The following PRKAR2A variants were observed in gnomAD, a reference collection of about 807,000 sequenced individuals.
PRKAR2A encodes protein kinase cAMP-dependent type II regulatory subunit alpha, also known as cAMP-dependent protein kinase type II-alpha regulatory subunit.
PRKAR2A carries 29 observed loss-of-function variants against 51.9 expected under a neutral mutation model. That is an observed-to-expected ratio of 0.56 (90% CI 0.42 to 0.76). PRKAR2A has a LOEUF of 0.76. Among genes scored for constraint, PRKAR2A ranks in the 30% least tolerant of loss-of-function variants. The pLI, the probability that PRKAR2A is intolerant of heterozygous loss-of-function variation, is 0.00. For missense variants in PRKAR2A, 445 were observed against 512.1 expected (o/e 0.87, Z 1.26); for synonymous variants, 178 against 186.2 (o/e 0.96, Z 0.36).
chr3:48,846,669 C>G (rs1476535780), intron 1 of PRKAR2A, among the ~76,000 whole-genome samples: 1 of 152,210 alleles, frequency 6.6e-6, no homozygotes, highest in Non-Finnish European at 1.5e-5. Flanking sequence ...TAATTATTTA[C>G]TCTCACCAAA....
intron 8 of PRKAR2A, among the ~76,000 whole-genome samples, chr3:48,760,618 G>A (rs1189947583): frequency 6.7e-5 from 10 of 149,774 alleles, no homozygotes; most frequent in Non-Finnish European, 1.2e-4. Context: ...ACCTGAGGTA[G>A]GGAGTTCACA....
intron 2 of PRKAR2A, 68 bp downstream of exon 2, chr3:48,807,581 C>A: frequency 8.2e-7 from 1 of 1,223,354 alleles, no homozygotes; most frequent in Non-Finnish European, 1.2e-6. Context: ...TTCAAAATAT[C>A]TGTTTTTTCA....
chr3:48,744,924 G>T (rs1345459930), downstream of PRKAR2A, among the ~76,000 whole-genome samples: 2 of 152,002 alleles, frequency 1.3e-5, no homozygotes, highest in African/African-American at 2.4e-5. Flanking sequence ...GCCCAGGCTG[G>T]AGTGCAGTGG....
At chr3:48,783,940 A>G (rs2082248003) in intron 4 of PRKAR2A, among the ~76,000 whole-genome samples, 1 of 152,156 alleles carries the variant, frequency 6.6e-6, no homozygotes, top group Non-Finnish European at 1.5e-5. Flanking sequence ...ATCAATTTTT[A>G]TGACCAAAGG....
chr3:48,831,683 C>T (rs2083190779), intron 1 of PRKAR2A, among the ~76,000 whole-genome samples: 1 of 152,020 alleles, frequency 6.6e-6, no homozygotes, highest in Non-Finnish European at 1.5e-5. Context: ...GTAGCTCAAT[C>T]TTGGCTCACT....
At chr3:48,831,468 G>C (rs965545525) in intron 1 of PRKAR2A, among the ~76,000 whole-genome samples, 1 of 148,770 alleles carries the variant, frequency 6.7e-6, no homozygotes, top group Non-Finnish European at 1.5e-5. Flanking sequence ...CTGGGCTCAA[G>C]TTATCTTCCC....
rs980822396 is a variant in PRKAR2A, at chr3:48,789,522, GCT to G, written c.435+1020_435+1021del. On this transcript the variant is annotated intron_variant, in intron 4 of 10. Transcript: ENST00000265563. ...TTTTTTTTTTTTTAGACAGAGTCTT[GCT>G]CTGTCACCCAGGCTGGAGTGCAATG... Among the ~76,000 whole-genome samples, 3 of 138,376 alleles carry G rather than the reference GCT, an allele frequency of 2.2e-5. No individual in the cohort carries two copies. The Admixed American group carries it at 2.3e-4, about 10-fold the overall frequency. The allele number at this position is 138,376 out of a possible 152,430, so 90.8% of individuals were successfully genotyped here.
chr3:48,778,918 C>T (rs1478322311), intron 5 of PRKAR2A, among the ~76,000 whole-genome samples: 1 of 151,364 alleles, frequency 6.6e-6, no homozygotes, highest in Non-Finnish European at 1.5e-5. Context: ...CTCCACCTCC[C>T]AGGTTGAAGC....
chr3:48,768,765 T>C (rs1468597812), intron 6 of PRKAR2A, among the ~76,000 whole-genome samples: 1 of 152,030 alleles, frequency 6.6e-6, no homozygotes, highest in East Asian at 1.9e-4. Flanking sequence ...ATTTTACAAA[T>C]CCACCTACAG....
intron 3 of PRKAR2A, 81 bp from the exon 4 acceptor site, chr3:48,790,708 CA>C (rs2082368952): frequency 1.1e-6 from 1 of 878,670 alleles, no homozygotes; most frequent in Non-Finnish European, 1.6e-6. Context: ...TTTGTTTCTC[CA>C]AAAAGTGGGA....
intron 1 of PRKAR2A, among the ~76,000 whole-genome samples, chr3:48,836,488 A>C (rs866836180): frequency 1.5e-5 from 2 of 130,902 alleles, no homozygotes; most frequent in East Asian, 2.4e-4. Flanking sequence ...AAAAAAAAAA[A>C]CTCAAAATGT....
intron 8 of PRKAR2A, among the ~76,000 whole-genome samples, chr3:48,761,047 G>A (rs1218318522): frequency 6.6e-6 from 1 of 152,032 alleles, no homozygotes; most frequent in Non-Finnish European, 1.5e-5. Context: ...ACTTTGGGAG[G>A]CAGAGGAAGG....
chr3:48,786,818 A>G (rs924683556), intron 4 of PRKAR2A, among the ~76,000 whole-genome samples: 1 of 152,122 alleles, frequency 6.6e-6, no homozygotes, highest in Non-Finnish European at 1.5e-5. Context: ...CTGAGCAATA[A>G]AAAGGAATGA....
At chr3:48,777,148 A>G (rs1418562114) in intron 5 of PRKAR2A, among the ~76,000 whole-genome samples, 8 of 151,956 alleles carry the variant, frequency 5.3e-5, no homozygotes, top group Non-Finnish European at 1.2e-4. Context: ...ACCACCATAA[A>G]TCCCAAGACA....
At chr3:48,789,779 T>G (rs1018665395) in intron 4 of PRKAR2A, among the ~76,000 whole-genome samples, 1 of 152,010 alleles carries the variant, frequency 6.6e-6, no homozygotes. Context: ...AGCCAGAAGA[T>G]TCATTCTTAC....
chr3:48,776,997 C>T (rs1002555563), intron 5 of PRKAR2A, among the ~76,000 whole-genome samples: 22 of 152,170 alleles, frequency 1.4e-4, no homozygotes, highest in African/African-American at 5.1e-4. Flanking sequence ...TGACAGCTTT[C>T]AAACCCTTCC....
At position 48,781,216 on chromosome 3, in the gene PRKAR2A, C is replaced by T. The variant is rs1042264267; in HGVS notation, c.542+1770G>A. Among the ~76,000 whole-genome samples the T allele has an allele frequency of 5.3e-5, 8 of 150,524 alleles. No homozygotes were observed. The East Asian group carries it at 1.2e-3, about 22-fold the overall frequency. ...GGCCAGGCTGGTTTTGAACTCCTGA[C>T]CTCAAGTGATCCACCCACCTCAGCC... On this transcript the variant is annotated intron_variant, in intron 5 of 10. Coordinates refer to ENST00000265563, the MANE Select transcript of PRKAR2A (RefSeq NM_004157.4).
intron 2 of PRKAR2A, among the ~76,000 whole-genome samples, chr3:48,800,622 A>ATGTAGAGG (rs2082573891): frequency 6.6e-6 from 1 of 152,000 alleles, no homozygotes; most frequent in Non-Finnish European, 1.5e-5. Context: ...CTATCACTTG[A>ATGTAGAGG]TGTAGAGGGA....
At chr3:48,821,845 G>A (rs1404810921) in intron 1 of PRKAR2A, among the ~76,000 whole-genome samples, 4 of 151,618 alleles carry the variant, frequency 2.6e-5, no homozygotes, top group Non-Finnish European at 4.4e-5. Context: ...AACCTGGGAG[G>A]TGAAGGTTGC....
Sources: gnomAD v4.1 joint callset for allele counts (sites outside exome capture counted in the v4.1 genomes callset) on GRCh38, gnomAD v4.1.1 for gene constraint, MANE v1.5 for transcripts, NCBI Gene and HGNC (gene_info 2026-07-23, HGNC 2026-07-21) for gene names.